The following INSR variants were observed in gnomAD, a reference collection of about 807,000 sequenced individuals.
INSR encodes insulin receptor.
A neutral mutation model predicts 142.6 loss-of-function variants in INSR; 67 were observed. The observed-to-expected ratio is 0.47, with a 90% CI of 0.39 to 0.58. The LOEUF is 0.58. Ranked by LOEUF, INSR falls within the 20% of genes least tolerant of loss-of-function variation. INSR has a pLI of 0.00. For synonymous variants in INSR, 756 were observed against 743.1 expected, an observed-to-expected ratio of 1.02 and a Z score of -0.28; for missense variants, 1,248 against 1,833.2, an observed-to-expected ratio of 0.68 and a Z score of 5.83.
At chr19:7,234,832 G>T (rs990821699) in intron 2 of INSR, among the ~76,000 whole-genome samples, 1 of 151,670 alleles carries the variant, frequency 6.6e-6, no homozygotes, top group African/African-American at 2.4e-5. Context: ...GGCCGAGGCG[G>T]GTGGACACGA....
In INSR at chr19:7,166,246, G is replaced by A; in HGVS notation, c.1769C>T (p.Ala590Val). 1.9e-6 allele frequency: 3 copies of A among 1,614,114 alleles called. No homozygotes were observed. The highest frequency in any genetic ancestry group is 2.5e-6 in the Non-Finnish European group (3 of 1,180,020). ...MRGLKPWTQYAIFVKTLVTFS... is the reference protein window; with the variant it reads ...MRGLKPWTQYVIFVKTLVTFS... Reference sequence around the variant, plus strand: ...GGTGACCAGGGTCTTCACAAAGATGGCATACTGGGTCCAGGGCTTGAGACC... The same window carrying A: ...GGTGACCAGGGTCTTCACAAAGATGACATACTGGGTCCAGGGCTTGAGACC... Residue 590 changes from alanine to valine, a missense_variant, in exon 8 of 22, where the codon GCC (alanine) becomes GTC (valine). Ala to Val is a moderately conservative substitution (Grantham distance 64, BLOSUM62 0). Transcript: ENST00000302850. This position sits in a 1 kb window ranked among gnomAD's most constrained non-coding sequence, Gnocchi z 4.1.
chr19:7,178,253 G>A (rs981055614), intron 3 of INSR, among the ~76,000 whole-genome samples: 1 of 128,622 alleles, frequency 7.8e-6, no homozygotes, highest in Non-Finnish European at 1.6e-5. Context: ...TGGGGGGGGG[G>A]GTGCCTAGAT....
At chr19:7,246,712 T>TA (rs1976545940) in intron 2 of INSR, among the ~76,000 whole-genome samples, 1 of 152,208 alleles carries the variant, frequency 6.6e-6, no homozygotes, top group South Asian at 2.1e-4. Context: ...GGTGGTTTGT[T>TA]ACACAGCAAA....
chr19:7,186,322 C>T (rs10416539), intron 2 of INSR, among the ~76,000 whole-genome samples: 22,306 of 152,018 alleles, frequency 0.15, 2,316 homozygotes, highest in African/African-American at 0.29. Context: ...CAGAAGTGGC[C>T]CCAGAAGCTA....
rs527941009 is a variant in INSR at position 7,144,093 on chromosome 19, A to G, written c.2268-1003T>C. On this transcript the variant is annotated intron_variant, in intron 11 of 21. Coordinates refer to ENST00000302850, the MANE Select transcript of INSR (RefSeq NM_000208.4). ...AGAAAAGAAAATATAAATCACTCAT[A>G]AATCCACAGCCCACTGCTTCCTTTG... Among the ~76,000 whole-genome samples the G allele has an allele frequency of 2.6e-5, 4 of 151,980 alleles. No individual in the cohort carries two copies. In the East Asian group the frequency reaches 7.7e-4, roughly 29 times the overall value.
intron 1 of INSR, among the ~76,000 whole-genome samples, chr19:7,269,831 A>C (rs1441140505): frequency 6.6e-6 from 1 of 152,040 alleles, no homozygotes; most frequent in African/African-American, 2.4e-5. Context: ...AAAAATGCAG[A>C]ATGCCTAGTT....
intron 15 of INSR, among the ~76,000 whole-genome samples, chr19:7,127,367 C>T (rs1972671803): frequency 6.6e-6 from 1 of 152,136 alleles, no homozygotes; most frequent in Non-Finnish European, 1.5e-5. Flanking sequence ...TTAAATTGTA[C>T]AATGCCTTCC....
At chr19:7,176,264 A>G (rs1974132703) in intron 3 of INSR, among the ~76,000 whole-genome samples, 1 of 152,134 alleles carries the variant, frequency 6.6e-6, no homozygotes, top group Admixed American at 6.5e-5. Flanking sequence ...ACCCCTTGGC[A>G]GTGTATAGTG....
intron 13 of INSR, among the ~76,000 whole-genome samples, chr19:7,132,808 C>T (rs981303385): frequency 6.6e-6 from 1 of 152,040 alleles, no homozygotes; most frequent in Admixed American, 6.5e-5. Context: ...CCAGGCTGGT[C>T]TCAAACTCCT....
chr19:7,228,745 A>G (rs1014969807), intron 2 of INSR, among the ~76,000 whole-genome samples: 2 of 152,244 alleles, frequency 1.3e-5, no homozygotes, highest in South Asian at 4.1e-4. Context: ...CCCCTATGCT[A>G]CAAAATAATC....
At chr19:7,197,025 C>T (rs906659370) in intron 2 of INSR, among the ~76,000 whole-genome samples, 1 of 152,208 alleles carries the variant, frequency 6.6e-6, no homozygotes, top group African/African-American at 2.4e-5. Context: ...CCAAATTCCT[C>T]TAGTTGGAAT....
chr19:7,125,206 G>T lies in INSR; in HGVS notation c.3258+77C>A. 6.4e-7 allele frequency: 1 copy of T among 1,573,128 alleles called. No homozygotes were observed. Among genetic ancestry groups the T allele is most frequent in the South Asian group, 1.1e-5 (1 of 89,582 alleles). On this transcript the variant is annotated intron_variant, in intron 17 of 21. Coordinates refer to ENST00000302850, the MANE Select transcript of INSR (RefSeq NM_000208.4). This position sits in a 1 kb window ranked among gnomAD's most constrained non-coding sequence, Gnocchi z 4.9. Reference sequence around the variant, plus strand: ...GAGGTTACACCCTGTGTCCTCTGTCGCTCTGTGCAGGAGGAGGAGGCAGAG... The same window carrying T: ...GAGGTTACACCCTGTGTCCTCTGTCTCTCTGTGCAGGAGGAGGAGGCAGAG...
intron 2 of INSR, among the ~76,000 whole-genome samples, chr19:7,189,035 TATAATTATC>T (rs907652524): frequency 1.3e-5 from 2 of 152,180 alleles, no homozygotes; most frequent in African/African-American, 2.4e-5. Flanking sequence ...AGAGGGTATC[TATAATTATC>T]ATAATTATCA....
intron 2 of INSR, among the ~76,000 whole-genome samples, chr19:7,205,245 C>A (rs1975077308): frequency 6.6e-6 from 1 of 152,178 alleles, no homozygotes; most frequent in Non-Finnish European, 1.5e-5. Flanking sequence ...AGAGGGTAGA[C>A]AGAGAGAAAT....
intron 2 of INSR, among the ~76,000 whole-genome samples, chr19:7,227,239 C>T (rs765052712): frequency 5.3e-5 from 8 of 151,794 alleles, no homozygotes; most frequent in South Asian, 4.1e-4. Context: ...AACTGTGTGT[C>T]AAATACCAGC....
chr19:7,265,498 T>C (rs1162162611), intron 2 of INSR, among the ~76,000 whole-genome samples: 2 of 152,088 alleles, frequency 1.3e-5, no homozygotes, highest in Admixed American at 1.3e-4. Context: ...CCCAACACTT[T>C]GGGAGGCCGA....
rs1972351513 is a variant in INSR at position 7,117,121 on chromosome 19, T to C, written c.4084A>G (p.Thr1362Ala). Residue 1362 changes from threonine to alanine, a missense_variant, in exon 22 of 22, where the codon ACA becomes GCA. Physicochemically the swap from Thr to Ala is moderately conservative, Grantham distance 58. Transcript: ENST00000302850. Reference protein sequence around the residue: ...KRSYEEHIPYTHMNGGKKNGR... With the variant: ...KRSYEEHIPYAHMNGGKKNGR... ...TTTTTCTTGCCTCCGTTCATGTGTG[T>C]GTAAGGGATGTGTTCCTCGTAGCTC... is the stretch of plus-strand genomic sequence containing the variant. The C allele has an allele frequency of 6.2e-7, 1 of 1,614,092 alleles. No homozygotes were observed. The highest frequency in any genetic ancestry group is 1.6e-4 in the Middle Eastern group (1 of 6,062).
chr19:7,176,335 T>C lies in INSR; in HGVS notation c.975-1604A>G, dbSNP rs180785565. Among the ~76,000 whole-genome samples, 595 of 152,338 alleles carry C rather than the reference T, an allele frequency of 3.9e-3. 1 individual carries two copies. The highest frequency in any genetic ancestry group is 6.6e-3 in the Non-Finnish European group (446 of 68,026). On this transcript the variant is annotated intron_variant, in intron 3 of 21. Coordinates refer to ENST00000302850, the MANE Select transcript of INSR (RefSeq NM_000208.4). ...TGTAGCACCAGCCGGGCATGGTGGCTCATGCCTGTAATTCCGGCACTTTGG... is the reference window on the plus strand; with the variant it reads ...TGTAGCACCAGCCGGGCATGGTGGCCCATGCCTGTAATTCCGGCACTTTGG...
In INSR at chr19:7,192,249, G is replaced by GAAGAAAAGAAAAGAAAAGAA. The variant is rs146673661; in HGVS notation, c.653-7632_653-7613dup. Among the ~76,000 whole-genome samples the GAAGAAAAGAAAAGAAAAGAA allele has an allele frequency of 5.0e-4, 59 of 117,138 alleles. No homozygotes were observed. The highest frequency in any genetic ancestry group is 2.3e-3 in the East Asian group (9 of 3,904). The allele number at this position is 117,138 out of a possible 152,430, so 76.8% of individuals were successfully genotyped here. On this transcript the variant is annotated intron_variant, in intron 2 of 21. Coordinates refer to ENST00000302850, the MANE Select transcript of INSR (RefSeq NM_000208.4). This position sits in a 1 kb window ranked among gnomAD's most constrained non-coding sequence, Gnocchi z 4.2. ...AAGAGAAAGAAGGAAGGGAGGGAGGGAAGAAAAGAAAAGAAAAGAAAAGAA... is the reference window on the plus strand; with the variant it reads ...AAGAGAAAGAAGGAAGGGAGGGAGGGAAGAAAAGAAAAGAAAAGAAAAGAAAAGAAAAGAAAAGAAAAGAA...
Sources: allele counts gnomAD v4.1 joint callset (sites outside exome capture counted in the v4.1 genomes callset), GRCh38; gene constraint gnomAD v4.1.1; non-coding constraint Gnocchi (gnomAD v3.1); transcripts MANE v1.5; gene names NCBI Gene and HGNC (gene_info 2026-07-23, HGNC 2026-07-21).